Variants in ALYREF observed in about 807,000 individuals in gnomAD.
ALYREF encodes the protein THO complex subunit 4.
In ALYREF, 1 loss-of-function variant was observed where a neutral mutation model predicts 25.2. The ratio of observed to expected loss-of-function variants is 0.04; its 90% CI spans 0.01 to 0.19. ALYREF has a LOEUF of 0.19. ALYREF is among the 10% of genes least tolerant of loss of function. The pLI is 1.00. For synonymous variants in ALYREF, 193 were observed against 153.5 expected (o/e 1.26, Z -1.90); for missense variants, 328 against 375.6 (o/e 0.87, Z 1.05).
intron 2 of ALYREF, 23 bp from the exon 3 acceptor site, chr17:81,889,352 G>T: frequency 1.2e-6 from 2 of 1,609,148 alleles, no homozygotes; most frequent in Admixed American, 3.3e-5. Context: ...GAGAGCAGTT[G>T]TCAGAAAAGC....
intron 2 of ALYREF, among the ~76,000 whole-genome samples, chr17:81,890,373 G>A (rs1339812720): frequency 6.6e-6 from 1 of 152,146 alleles, no homozygotes; most frequent in East Asian, 1.9e-4. Context: ...AAAAGCAACT[G>A]GGCTGGGTCT....
rs371424118 is a variant in ALYREF, at chr17:81,888,600, G to A, written c.539-17C>T. The stretch of plus-strand genomic sequence containing the variant: ...TGGGGCGGCCTGCGGCAAAGAATAC[G>A]AGAAGGCACGTTCTATTGAGAGGCT... On this transcript the variant is annotated splice_polypyrimidine_tract_variant and intron_variant, in intron 3 of 5. Coordinates refer to ENST00000505490, the MANE Select transcript of ALYREF (RefSeq NM_005782.4). This position sits in a 1 kb window ranked among gnomAD's most constrained non-coding sequence, Gnocchi z 5.8. 89 of 1,581,696 alleles carry A rather than the reference G, an allele frequency of 5.6e-5. No homozygotes were observed. Among genetic ancestry groups the A allele is most frequent in the African/African-American group, 5.1e-4 (38 of 74,498 alleles).
Position 81,888,384 on chromosome 17 carries a change from C to T in ALYREF, c.637G>A (p.Ala213Thr), listed in dbSNP as rs1230871231. 3 of 1,600,426 alleles carry T rather than the reference C, an allele frequency of 1.9e-6. No homozygotes were observed. Among genetic ancestry groups the T allele is most frequent in the African/African-American group, 1.3e-5 (1 of 74,700 alleles). The change falls in exon 5 of 6, where the codon GCT becomes ACT. Residue 213 changes from alanine (A) to threonine (T), a missense_variant. Physicochemically the swap from Ala to Thr is moderately conservative, Grantham distance 58 (BLOSUM62 0). Around this residue, in one of 3 missense-constraint regions of ALYREF, gnomAD observed 108 missense variants for 110.5 expected, o/e 0.98. Coordinates refer to ENST00000505490, the MANE Select transcript of ALYREF (RefSeq NM_005782.4). This position sits in a 1 kb window ranked among gnomAD's most constrained non-coding sequence, Gnocchi z 5.8. ...CCTCCACCACCACCAAAACCTCCAGCGCCACGGTTTCTAGTCATGCCACCT... is the reference window on the plus strand; with the variant it reads ...CCTCCACCACCACCAAAACCTCCAGTGCCACGGTTTCTAGTCATGCCACCT... The part of the protein sequence containing the change: ...NRGGMTRNRG[A>T]GGFGGGGGTR...
intron 2 of ALYREF, chr17:81,889,677 A>G (rs2039477374): frequency 4.2e-6 from 1 of 239,072 alleles, no homozygotes; most frequent in African/African-American, 2.2e-5. Context: ...GGTAAAGGCC[A>G]AAATCAAGAG....
rs745980726 is a variant in ALYREF, at chr17:81,888,244, C to T, written c.777G>A (p.Ala259=). The T allele has an allele frequency of 3.8e-5, 62 of 1,612,992 alleles. 1 individual carries two copies. In the South Asian group the frequency reaches 5.8e-4, roughly 15 times the overall value. Residue 259 remains alanine (A), a synonymous_variant, in exon 5 of 6, where the codon GCG becomes GCA. Coordinates refer to ENST00000505490, the MANE Select transcript of ALYREF (RefSeq NM_005782.4). This position sits in a 1 kb window ranked among gnomAD's most constrained non-coding sequence, Gnocchi z 5.8. ...ELDAQLDAYN[A]RMDTS is the part of the protein sequence containing the mutation. ...AGCTGGCTCCCCCGGGACTCACTCT[C>T]GCATTATAGGCGTCCAGCTGGGCAT...
chr17:81,888,265 G>C lies in ALYREF; in HGVS notation c.756C>G (p.Ala252=), dbSNP rs1414535439. ...KQQLSAEELD[A]QLDAYNARMD... ...CTCTCGCATTATAGGCGTCCAGCTG[G>C]GCATCCAGCTCCTCTGCCGAAAGCT... is the stretch of plus-strand genomic sequence containing the variant. The change falls in exon 5 of 6, where the codon GCC becomes GCG. Residue 252 remains alanine, a synonymous_variant. Coordinates refer to ENST00000505490, the MANE Select transcript of ALYREF (RefSeq NM_005782.4). This position sits in a 1 kb window ranked among gnomAD's most constrained non-coding sequence, Gnocchi z 5.8. 1.2e-6 allele frequency: 2 copies of C among 1,610,518 alleles called. No homozygotes were observed. Among genetic ancestry groups the C allele is most frequent in the Non-Finnish European group, 1.7e-6 (2 of 1,178,656 alleles).
Position 81,890,672 on chromosome 17 carries a change from A to G in ALYREF, c.390+17T>C. On this transcript the variant is annotated intron_variant, in intron 2 of 5. Transcript: ENST00000505490. ...TGTGCAGGGCGAACGGCTCACCGAG[A>G]AGCCCTCGTCTCTTACCTGAATATC... 1 of 1,612,488 alleles carries G rather than the reference A, an allele frequency of 6.2e-7. No homozygotes were observed. The highest frequency in any genetic ancestry group is 8.5e-7 in the Non-Finnish European group (1 of 1,179,888).
In ALYREF at chr17:81,890,887, G is replaced by A. The variant is rs1168862774; in HGVS notation, c.259-67C>T. On this transcript the variant is annotated intron_variant, in intron 1 of 5. Coordinates refer to ENST00000505490, the MANE Select transcript of ALYREF (RefSeq NM_005782.4). The stretch of plus-strand genomic sequence containing the variant: ...GTCCAGGGCTTTCCTGACCCTCACG[G>A]CTACTCCGGACCCTTCCTCTTCCCG... The A allele has an allele frequency of 1.9e-6, 3 of 1,607,690 alleles. No individual in the cohort carries two copies. The East Asian group carries it at 6.7e-5, about 36-fold the overall frequency.
Position 81,888,671 on chromosome 17 carries a change from A to G in ALYREF, c.539-88T>C. The G allele has an allele frequency of 6.5e-7, 1 of 1,535,182 alleles. No individual in the cohort carries two copies. The highest frequency in any genetic ancestry group is 2.0e-5 in the Admixed American group (1 of 50,350). ...GCCACACCCTGGTCTCCATGCAAAC[A>G]CTGGAAAGGGCCTCTGTGCGTCTCA... On this transcript the variant is annotated intron_variant, in intron 3 of 5. Coordinates refer to ENST00000505490, the MANE Select transcript of ALYREF (RefSeq NM_005782.4). This position sits in a 1 kb window ranked among gnomAD's most constrained non-coding sequence, Gnocchi z 5.8.
chr17:81,890,888 C>T (rs565224645), intron 1 of ALYREF, 68 bp from the exon 2 acceptor site: 13 of 1,605,008 alleles, frequency 8.1e-6, no homozygotes, highest in Admixed American at 1.7e-5. Context: ...ACCCTCACGG[C>T]TACTCCGGAC....
intron 3 of ALYREF, 70 bp downstream of exon 3, chr17:81,889,112 C>A: frequency 6.3e-7 from 1 of 1,588,426 alleles, no homozygotes; most frequent in Non-Finnish European, 8.6e-7. Flanking sequence ...CCCCATATTC[C>A]TACCTGGACA....
chr17:81,890,185 G>C (rs1424062214), intron 2 of ALYREF, among the ~76,000 whole-genome samples: 1 of 152,038 alleles, frequency 6.6e-6, no homozygotes, highest in African/African-American at 2.4e-5. Flanking sequence ...ATGGATTTGA[G>C]AGTCATGTCA....
intron 2 of ALYREF, 26 bp from the exon 3 acceptor site, chr17:81,889,355 A>C (rs2039471983): frequency 6.2e-7 from 1 of 1,608,606 alleles, no homozygotes; most frequent in Non-Finnish European, 8.5e-7. Flanking sequence ...AGCAGTTGTC[A>C]GAAAAGCAAC....
Position 81,889,221 on chromosome 17 carries a change from G to A in ALYREF, c.499C>T (p.Leu167=). The stretch of plus-strand genomic sequence containing the variant: ...CCGTTGTACTGCTTCATGGCCTTCA[G>A]GGCATCTGCCTTCCGCTCAAAGTGC... ...DVHFERKADA[L]KAMKQYNGVP... is the part of the protein sequence containing the mutation. The change falls in exon 3 of 6, where the codon CTG becomes TTG. Residue 167 remains leucine (L), a synonymous_variant. Coordinates refer to ENST00000505490, the MANE Select transcript of ALYREF (RefSeq NM_005782.4). 1.2e-6 allele frequency: 2 copies of A among 1,614,218 alleles called. No individual in the cohort carries two copies. The highest frequency in any genetic ancestry group is 1.7e-6 in the Non-Finnish European group (2 of 1,180,038).
chr17:81,891,101 A>C (rs1226513352), intron 1 of ALYREF: 2 of 664,314 alleles, frequency 3.0e-6, no homozygotes, highest in African/African-American at 3.7e-5. Flanking sequence ...CGGAACAAAC[A>C]AAGAGCTGGG....
At chr17:81,890,917 G>T in intron 1 of ALYREF, 97 bp from the exon 2 acceptor site, 1 of 1,552,184 alleles carries the variant, frequency 6.4e-7, no homozygotes. Flanking sequence ...TTCCCGGCCT[G>T]AGAGGATCCG....
At position 81,891,575 on chromosome 17, in the gene ALYREF, G is replaced by A. The variant is rs1287840836; in HGVS notation, c.6C>T (p.Pro2=). The A allele has an allele frequency of 7.0e-6, 10 of 1,434,196 alleles. No homozygotes were observed. Among genetic ancestry groups the A allele is most frequent in the Admixed American group, 2.5e-5 (1 of 40,516 alleles). The allele number at this position is 1,434,196 out of a possible 1,614,324, so 88.8% of individuals were successfully genotyped here. Residue 2 remains proline, a synonymous_variant, in exon 1 of 6, where the codon CCC becomes CCT. Coordinates refer to ENST00000505490, the MANE Select transcript of ALYREF (RefSeq NM_005782.4). M[P]DSAPAMADKM... ...TGTCGGCCATGGCGGGCGCGGAATCGGGCATCGGCTCGAGCCCGCGCGTCA... is the reference window on the plus strand; with the variant it reads ...TGTCGGCCATGGCGGGCGCGGAATCAGGCATCGGCTCGAGCCCGCGCGTCA...
At position 81,888,822 on chromosome 17, in the gene ALYREF, CG is replaced by C; in HGVS notation, c.539-240del. 6 of 1,421,512 alleles carry C rather than the reference CG, an allele frequency of 4.2e-6. No individual in the cohort carries two copies. The highest frequency in any genetic ancestry group is 5.5e-6 in the Non-Finnish European group (6 of 1,090,656). 88.1% of individuals were successfully genotyped at this position (1,421,512 alleles called of 1,614,324 possible). ...CTAGGTGGGCTGCTCGCTGAGGTAT[CG>C]GGGTGCTCGTGGGTGGAGAGGTGTG... is the stretch of plus-strand genomic sequence containing the variant. On this transcript the variant is annotated intron_variant, in intron 3 of 5. Coordinates refer to ENST00000505490, the MANE Select transcript of ALYREF (RefSeq NM_005782.4). The surrounding 1 kb of genome is among the most constrained non-coding windows in gnomAD (Gnocchi z 5.8).
At position 81,890,936 on chromosome 17, in the gene ALYREF, G is replaced by T. The variant is rs903822121; in HGVS notation, c.259-116C>A. On this transcript the variant is annotated intron_variant, in intron 1 of 5. Coordinates refer to ENST00000505490, the MANE Select transcript of ALYREF (RefSeq NM_005782.4). Reference sequence around the variant, plus strand: ...CGGCCTGAGAGGATCCGGCCGAAACGGGGCCGCCAGCGCTCCCTCCGGCGC... The same window carrying T: ...CGGCCTGAGAGGATCCGGCCGAAACTGGGCCGCCAGCGCTCCCTCCGGCGC... The T allele has an allele frequency of 1.8e-4, 261 of 1,474,162 alleles. 1 individual carries two copies. The highest frequency in any genetic ancestry group is 2.3e-4 in the Non-Finnish European group (254 of 1,092,040). The allele number at this position is 1,474,162 out of a possible 1,614,324, so 91.3% of individuals were successfully genotyped here.
Sources: allele counts gnomAD v4.1 joint callset (sites outside exome capture counted in the v4.1 genomes callset), GRCh38; gene constraint gnomAD v4.1.1; regional missense constraint gnomAD v4.1.1; non-coding constraint Gnocchi (gnomAD v3.1); transcripts MANE v1.5; gene names NCBI Gene and HGNC (gene_info 2026-07-23, HGNC 2026-07-21).